The following DLGAP2 variants were observed in gnomAD, a reference collection of about 807,000 sequenced individuals.
The protein encoded by DLGAP2 is DLG associated protein 2, also known as disks large-associated protein 2.
Under a neutral mutation model 100.3 loss-of-function variants are expected in DLGAP2, and 26 were observed. That is an observed-to-expected ratio of 0.26 (90% CI 0.19 to 0.36). DLGAP2 has a LOEUF of 0.36. Ranked by LOEUF, DLGAP2 falls within the 10% of genes least tolerant of loss-of-function variation. DLGAP2 has a pLI of 1.00. For missense variants in DLGAP2, 1,858 were observed against 1,453.2 expected (o/e 1.28, Z -4.53); for synonymous variants, 886 against 630.1 (o/e 1.41, Z -6.08).
At chr8:1,682,922 G>C (rs1399752308) in intron 12 of DLGAP2, among the ~76,000 whole-genome samples, 1 of 149,678 alleles carries the variant, frequency 6.7e-6, no homozygotes, top group Non-Finnish European at 1.5e-5. Context: ...TGGGATTTTT[G>C]TTTTGTTTTG....
At chr8:826,297 A>G (rs915420864) in intron 1 of DLGAP2, among the ~76,000 whole-genome samples, 3 of 152,186 alleles carry the variant, frequency 2.0e-5, no homozygotes, top group African/African-American at 7.2e-5. Context: ...GGGCATGCAG[A>G]TACCTCTTTG....
chr8:1,526,370 T>C (rs775546363), intron 4 of DLGAP2, among the ~76,000 whole-genome samples: 36 of 151,752 alleles, frequency 2.4e-4, no homozygotes, highest in Non-Finnish European at 4.4e-4. Flanking sequence ...AGGGGAGGAA[T>C]TGGGGGCTCA....
At chr8:1,249,155 C>G (rs1798980707) in intron 2 of DLGAP2, among the ~76,000 whole-genome samples, 1 of 152,190 alleles carries the variant, frequency 6.6e-6, no homozygotes, top group Non-Finnish European at 1.5e-5. Flanking sequence ...AAGCACTGCT[C>G]TACCCTTGCC....
intron 1 of DLGAP2, among the ~76,000 whole-genome samples, chr8:762,968 C>T (rs765756463): frequency 2.6e-5 from 4 of 152,078 alleles, no homozygotes; most frequent in East Asian, 1.9e-4. Context: ...TGAGCCACTG[C>T]GCCCAGCTGA....
intron 2 of DLGAP2, among the ~76,000 whole-genome samples, chr8:928,912 T>C (rs1348887359): frequency 6.6e-6 from 1 of 151,662 alleles, no homozygotes; most frequent in Non-Finnish European, 1.5e-5. Flanking sequence ...GGACGGCTTT[T>C]CAGGCAGTTT....
intron 2 of DLGAP2, among the ~76,000 whole-genome samples, chr8:1,216,292 A>G (rs952310518): frequency 6.6e-6 from 1 of 152,106 alleles, no homozygotes; most frequent in African/African-American, 2.4e-5. Context: ...TCAACTTCAT[A>G]CAGGGGCTCT....
intron 3 of DLGAP2, among the ~76,000 whole-genome samples, chr8:1,296,749 A>G (rs933020667): frequency 2.0e-5 from 3 of 152,150 alleles, no homozygotes; most frequent in Non-Finnish European, 4.4e-5. Context: ...CTTGCGGGAA[A>G]CGTGGTAAGT....
At chr8:1,124,442 C>G (rs113709212) in intron 2 of DLGAP2, among the ~76,000 whole-genome samples, 44 of 152,300 alleles carry the variant, frequency 2.9e-4, no homozygotes, top group African/African-American at 1.1e-3. Flanking sequence ...GAAGCTGGGC[C>G]ACTTAAGTAA....
intron 14 of DLGAP2, among the ~76,000 whole-genome samples, chr8:1,700,916 C>T (rs1334319299): frequency 6.6e-6 from 1 of 152,236 alleles, no homozygotes; most frequent in Non-Finnish European, 1.5e-5. Flanking sequence ...TGCGAATCTG[C>T]AGAATTTCTT....
chr8:1,209,027 T>C (rs6558431), intron 2 of DLGAP2, among the ~76,000 whole-genome samples: 87,945 of 151,926 alleles, frequency 0.58, 27,634 homozygotes, highest in African/African-American at 0.84. Context: ...GTAACACATC[T>C]CATGCTCATG....
intron 6 of DLGAP2, among the ~76,000 whole-genome samples, chr8:1,571,721 G>C (rs1802697838): frequency 6.9e-6 from 1 of 143,912 alleles, no homozygotes; most frequent in Non-Finnish European, 1.5e-5. Flanking sequence ...TGAACTGTGG[G>C]GGCGTCTGAT....
chr8:1,144,722 G>A (rs1240425373), intron 2 of DLGAP2, among the ~76,000 whole-genome samples: 1 of 152,252 alleles, frequency 6.6e-6, no homozygotes, highest in East Asian at 1.9e-4. Context: ...AGTAGCCCAT[G>A]CTCTAGGGTC....
intron 3 of DLGAP2, among the ~76,000 whole-genome samples, chr8:1,456,913 C>A (rs7013449): frequency 0.51 from 76,086 of 148,534 alleles, 19,671 homozygotes; most frequent in East Asian, 0.84. Context: ...CGGTGCCTGC[C>A]CTCCGGCCCC....
intron 11 of DLGAP2, among the ~76,000 whole-genome samples, chr8:1,677,427 C>G (rs1457783341): frequency 2.0e-5 from 3 of 152,206 alleles, no homozygotes; most frequent in African/African-American, 4.8e-5. Context: ...GGCAACGTCA[C>G]TAACCAGCTG....
chr8:1,189,706 T>G (rs983217544), intron 2 of DLGAP2, among the ~76,000 whole-genome samples: 1 of 150,350 alleles, frequency 6.7e-6, no homozygotes, highest in Non-Finnish European at 1.5e-5. Context: ...GTTTACAGTT[T>G]GTAATATGAA....
At chr8:874,623 G>T (rs1339530125) in intron 1 of DLGAP2, among the ~76,000 whole-genome samples, 1 of 152,074 alleles carries the variant, frequency 6.6e-6, no homozygotes, top group Non-Finnish European at 1.5e-5. Context: ...TTGTTTTATG[G>T]CTTAACATAT....
At chr8:967,233 A>G (rs1333455553) in intron 2 of DLGAP2, among the ~76,000 whole-genome samples, 4 of 152,238 alleles carry the variant, frequency 2.6e-5, no homozygotes, top group Non-Finnish European at 5.9e-5. Context: ...GGACAGTGAG[A>G]TTCTTTCCCC....
At chr8:1,307,360 A>G (rs183480315) in intron 3 of DLGAP2, among the ~76,000 whole-genome samples, 1 of 152,360 alleles carries the variant, frequency 6.6e-6, no homozygotes, top group East Asian at 1.9e-4. Context: ...CAACAATGAA[A>G]AGAAAAGAAC....
rs184287658 is a variant in DLGAP2 at position 1,458,148 on chromosome 8, C to T, written c.107-43218C>T. ...GTCTTGATCTCCTGACCTCGTGATC[C>T]ACCCGCCTCGGCCTCCCAAAGTGCT... On this transcript the variant is annotated intron_variant, in intron 3 of 14. Transcript: ENST00000637795. 4.0e-3 allele frequency among the ~76,000 whole-genome samples: 612 copies of T among 151,372 alleles called. 4 individuals are homozygous for T. Among genetic ancestry groups the T allele is most frequent in the African/African-American group, 0.014 (565 of 41,286 alleles).
Sources: allele counts gnomAD v4.1 joint callset (sites outside exome capture counted in the v4.1 genomes callset), GRCh38; gene constraint gnomAD v4.1.1; transcripts MANE v1.5; gene names NCBI Gene and HGNC (gene_info 2026-07-23, HGNC 2026-07-21).